The following SRPK1 variants were observed in gnomAD, a reference collection of about 807,000 sequenced individuals.
SRPK1 encodes SRSF protein kinase 1.
SRPK1 carries 52 observed loss-of-function variants against 89.5 expected under a neutral mutation model. The observed-to-expected ratio is 0.58, with a 90% CI of 0.46 to 0.73. The LOEUF (loss-of-function observed/expected upper bound fraction) is 0.73. SRPK1 is among the 30% of genes least tolerant of loss of function. The probability of loss-of-function intolerance (pLI) is 0.00; values close to 1 mark genes in which losing one functional copy is unlikely to be tolerated. For missense variants in SRPK1, 603 were observed against 780.6 expected (o/e 0.77, Z 2.71); for synonymous variants, 255 against 270.2 (o/e 0.94, Z 0.55).
intron 8 of SRPK1, among the ~76,000 whole-genome samples, chr6:35,871,957 T>C (rs372126344): frequency 6.4e-4 from 98 of 152,154 alleles, no homozygotes; most frequent in African/African-American, 2.2e-3. Flanking sequence ...CCTAGGCTGG[T>C]CTCAAACTTC....
intron 6 of SRPK1, among the ~76,000 whole-genome samples, chr6:35,883,176 T>A (rs1028060560): frequency 7.9e-5 from 12 of 152,158 alleles, no homozygotes; most frequent in African/African-American, 1.4e-4. Flanking sequence ...CCCAGCACTT[T>A]GGGAGGCTGT....
chr6:35,919,786 G>A lies in SRPK1; in HGVS notation c.74+682C>T, dbSNP rs574234493. On this transcript the variant is annotated intron_variant, in intron 2 of 15. Coordinates refer to ENST00000373825, the MANE Select transcript of SRPK1 (RefSeq NM_003137.5). ...AATACGCCAAACCAGAATCATCAAT[G>A]TTTGTTAAAGAACTCTCCCGTTACT... 5.9e-5 allele frequency among the ~76,000 whole-genome samples: 9 copies of A among 152,302 alleles called. No individual in the cohort carries two copies. The South Asian group carries it at 1.4e-3, about 25-fold the overall frequency.
intron 2 of SRPK1, among the ~76,000 whole-genome samples, chr6:35,899,386 G>A (rs1370955930): frequency 6.6e-6 from 1 of 152,042 alleles, no homozygotes; most frequent in African/African-American, 2.4e-5. Context: ...TTTGCCACAT[G>A]CCCTCTGCCA....
intron 13 of SRPK1, among the ~76,000 whole-genome samples, chr6:35,844,996 G>A (rs1484255473): frequency 2.0e-5 from 3 of 152,144 alleles, no homozygotes; most frequent in African/African-American, 7.2e-5. Context: ...CTATTAAGCC[G>A]TGAAGATATG....
chr6:35,886,082 CTTT>C (rs34954400), intron 6 of SRPK1, among the ~76,000 whole-genome samples: 12 of 136,626 alleles, frequency 8.8e-5, no homozygotes, highest in Non-Finnish European at 1.1e-4. Context: ...TAGACAGTAT[CTTT>C]TTTTTTTTTT....
chr6:35,857,390 T>A (rs778994162), intron 12 of SRPK1, 22 bp from the exon 13 acceptor site: 1 of 1,534,620 alleles, frequency 6.5e-7, no homozygotes, highest in Non-Finnish European at 8.9e-7. Context: ...AAGGAAACAA[T>A]ATTTTAAACT....
At chr6:35,839,172 C>T (rs1401752285) in intron 14 of SRPK1, among the ~76,000 whole-genome samples, 1 of 152,222 alleles carries the variant, frequency 6.6e-6, no homozygotes, top group Non-Finnish European at 1.5e-5. Flanking sequence ...TGTGCCACCA[C>T]ACCTGGCTGA....
intron 12 of SRPK1, among the ~76,000 whole-genome samples, chr6:35,862,934 G>A (rs1769814784): frequency 6.6e-6 from 1 of 152,072 alleles, no homozygotes; most frequent in South Asian, 2.1e-4. Flanking sequence ...GGAGGCTAAG[G>A]TGCTTGAGCC....
intron 15 of SRPK1, among the ~76,000 whole-genome samples, chr6:35,836,904 A>C (rs529205069): frequency 6.6e-6 from 1 of 152,206 alleles, no homozygotes; most frequent in African/African-American, 2.4e-5. Context: ...AACTCTTATG[A>C]AACATTTTAC....
intron 12 of SRPK1, 28 bp from the exon 13 acceptor site, chr6:35,857,396 A>C: frequency 6.6e-7 from 1 of 1,521,106 alleles, no homozygotes; most frequent in Non-Finnish European, 9.0e-7. Flanking sequence ...ACAATATTTT[A>C]AACTTCATTC....
At chr6:35,838,896 A>G in intron 14 of SRPK1, 3 of 1,212,192 alleles carry the variant, frequency 2.5e-6, no homozygotes, top group Non-Finnish European at 3.3e-6. Context: ...AAAAGTAACT[A>G]CAAATAAAAC....
chr6:35,893,560 A>T (rs1770565603), intron 2 of SRPK1, among the ~76,000 whole-genome samples: 1 of 152,208 alleles, frequency 6.6e-6, no homozygotes, highest in African/African-American at 2.4e-5. Flanking sequence ...CACAGCAGAC[A>T]GACTGGTATT....
intron 8 of SRPK1, among the ~76,000 whole-genome samples, chr6:35,872,229 G>GTT (rs1393944442): frequency 1.3e-5 from 2 of 152,184 alleles, no homozygotes; most frequent in Non-Finnish European, 2.9e-5. Context: ...TAATAGCAAT[G>GTT]TTATCTTGTC....
chr6:35,865,027 C>G (rs552308302), intron 12 of SRPK1, among the ~76,000 whole-genome samples: 1 of 152,104 alleles, frequency 6.6e-6, no homozygotes, highest in South Asian at 2.1e-4. Context: ...GGATGGTTAC[C>G]AGAGGCTGGG....
intron 13 of SRPK1, among the ~76,000 whole-genome samples, chr6:35,843,865 A>G (rs150463805): frequency 2.6e-5 from 4 of 152,310 alleles, no homozygotes; most frequent in African/African-American, 7.2e-5. Context: ...GTCTCCTTTA[A>G]TAGAAAAACC....
At chr6:35,853,207 G>A (rs1185419590) in intron 13 of SRPK1, among the ~76,000 whole-genome samples, 1 of 151,960 alleles carries the variant, frequency 6.6e-6, no homozygotes, top group Non-Finnish European at 1.5e-5. Flanking sequence ...GGAGTTTGGG[G>A]TTATATTGAG....
intron 2 of SRPK1, among the ~76,000 whole-genome samples, chr6:35,898,731 CAA>C (rs942162111): frequency 2.0e-5 from 3 of 151,888 alleles, no homozygotes; most frequent in African/African-American, 7.3e-5. Flanking sequence ...GACTCCATCT[CAA>C]AAAAGTTAAT....
chr6:35,833,956 A>G lies in SRPK1; in HGVS notation c.*1348T>C, dbSNP rs922455838. 6.6e-6 allele frequency: 1 copy of G among 151,936 alleles called. No individual in the cohort carries two copies. The highest frequency in any genetic ancestry group is 2.4e-5 in the African/African-American group (1 of 41,202). 9.4% of individuals were successfully genotyped at this position (151,936 alleles called of 1,614,324 possible). A position where few individuals can be genotyped will look rare whatever the true frequency, so the allele number is the denominator to read the frequency against. ...TCCTGCCTCTCTTTTGCTCTTCAGTATTACTTACTGGAGGAATATGTAATA... is the reference window on the plus strand; with the variant it reads ...TCCTGCCTCTCTTTTGCTCTTCAGTGTTACTTACTGGAGGAATATGTAATA... On this transcript the variant is annotated 3_prime_UTR_variant, in exon 16 of 16. Coordinates refer to ENST00000373825, the MANE Select transcript of SRPK1 (RefSeq NM_003137.5).
chr6:35,906,472 G>C (rs1469505803), intron 2 of SRPK1, among the ~76,000 whole-genome samples: 1 of 152,158 alleles, frequency 6.6e-6, no homozygotes, highest in East Asian at 1.9e-4. Flanking sequence ...CGATCCACCG[G>C]CCTTGGCCTC....
Sources: allele counts gnomAD v4.1 joint callset (sites outside exome capture counted in the v4.1 genomes callset), GRCh38; gene constraint gnomAD v4.1.1; transcripts MANE v1.5; gene names NCBI Gene and HGNC (gene_info 2026-07-23, HGNC 2026-07-21).